NREP: variants seen among roughly 807,000 people sequenced by gnomAD.
NREP encodes the protein neuronal regeneration-related protein.
In NREP, 5 loss-of-function variants were observed where a neutral mutation model predicts 8.6. The observed-to-expected ratio is 0.58, with a 90% CI of 0.30 to 1.22. The LOEUF is 1.22. Ranked by LOEUF, NREP falls within the 50% of genes most tolerant of loss-of-function variation. NREP has a pLI of 0.07. For missense variants in NREP, 86 were observed against 82.5 expected (o/e 1.04, Z -0.17); for synonymous variants, 27 against 28.0 (o/e 0.96, Z 0.11).
intron 2 of NREP, among the ~76,000 whole-genome samples, chr5:111,933,568 A>T (rs892537560): frequency 2.6e-5 from 4 of 152,098 alleles, no homozygotes; most frequent in African/African-American, 9.7e-5. Flanking sequence ...TTGCCATCCA[A>T]GCCAAGGACA....
chr5:111,733,610 T>C (rs1748818917), intron 3 of NREP: 1 of 152,266 alleles, frequency 6.6e-6, no homozygotes, highest in East Asian at 1.9e-4. Flanking sequence ...AGAAGTCTTC[T>C]TTCTCCAGAT....
chr5:111,807,346 C>T (rs891960180), intron 2 of NREP, among the ~76,000 whole-genome samples: 3 of 152,114 alleles, frequency 2.0e-5, no homozygotes, highest in African/African-American at 4.8e-5. Context: ...ACAATCCTAA[C>T]CTTTCTTTCA....
At chr5:111,871,050 T>G (rs1241535004) in intron 2 of NREP, among the ~76,000 whole-genome samples, 1 of 64,942 alleles carries the variant, frequency 1.5e-5, no homozygotes, top group Admixed American at 1.9e-4. Context: ...ACAGAACCAA[T>G]GGCGTGTGTG....
chr5:111,890,460 G>A (rs1754366974), intron 2 of NREP, among the ~76,000 whole-genome samples: 1 of 152,184 alleles, frequency 6.6e-6, no homozygotes, highest in African/African-American at 2.4e-5. Context: ...GCTCCACTAG[G>A]CAGTGCTCTG....
intron 2 of NREP, among the ~76,000 whole-genome samples, chr5:111,788,585 G>A (rs559764544): frequency 6.6e-6 from 1 of 152,274 alleles, no homozygotes; most frequent in African/African-American, 2.4e-5. Context: ...GAAAAGCCAG[G>A]GAGACAGCCA....
At chr5:111,778,444 G>A (rs1165439075) in intron 2 of NREP, among the ~76,000 whole-genome samples, 1 of 152,072 alleles carries the variant, frequency 6.6e-6, no homozygotes, top group Admixed American at 6.5e-5. Flanking sequence ...AGTGAGTGTG[G>A]GGCCTACTTC....
At chr5:111,758,134 A>G (rs1750855236), upstream of NREP, 1 of 985,294 alleles carries the variant, frequency 1.0e-6, no homozygotes. Context: ...TCAGCTGGGT[A>G]CGCGCGCCCC....
chr5:111,863,404 T>C (rs1180026498), intron 2 of NREP, among the ~76,000 whole-genome samples: 3 of 152,124 alleles, frequency 2.0e-5, no homozygotes, highest in Non-Finnish European at 2.9e-5. Flanking sequence ...GGTGAGTAGT[T>C]GGATACACAG....
intron 2 of NREP, among the ~76,000 whole-genome samples, chr5:111,946,129 T>C (rs563479681): frequency 6.6e-6 from 1 of 151,154 alleles, no homozygotes; most frequent in South Asian, 2.1e-4. Flanking sequence ...AACGAGCTAG[T>C]GAGCAGGATA....
At chr5:111,744,046 G>A (rs1297789242) in intron 2 of NREP, among the ~76,000 whole-genome samples, 2 of 152,132 alleles carry the variant, frequency 1.3e-5, no homozygotes, top group Non-Finnish European at 2.9e-5. Context: ...CTGGGTGGAT[G>A]AGATAGTTAG....
chr5:111,916,538 C>G (rs1349114195), intron 2 of NREP, among the ~76,000 whole-genome samples: 1 of 152,148 alleles, frequency 6.6e-6, no homozygotes, highest in African/African-American at 2.4e-5. Context: ...GTGATTGTAT[C>G]CGACTGTTTA....
At position 111,883,564 on chromosome 5, in the gene NREP, T is replaced by C. The variant is rs570855890; in HGVS notation, c.135+91710A>G. ...CACACCTATTCCAAAATTGACCACA[T>C]ACTTGGAAGTAAAGCCCTCCTCAGC... On this transcript the variant is annotated intron_variant, in intron 2 of 3. Transcript: ENST00000395634. Among the ~76,000 whole-genome samples the C allele has an allele frequency of 2.6e-3, 389 of 152,288 alleles. 3 individuals carry two copies. Among genetic ancestry groups the C allele is most frequent in the African/African-American group, 9.0e-3 (375 of 41,558 alleles).
At chr5:111,788,369 C>T (rs12655849) in intron 2 of NREP, among the ~76,000 whole-genome samples, 26,150 of 152,046 alleles carry the variant, frequency 0.17, 2,331 homozygotes, top group Admixed American at 0.24. Context: ...GAAGTGTTGG[C>T]GTGTGTGTGT....
intron 2 of NREP, among the ~76,000 whole-genome samples, chr5:111,969,820 A>C (rs374572769): frequency 6.6e-5 from 10 of 152,174 alleles, no homozygotes; most frequent in African/African-American, 2.4e-4. Context: ...CTACAGCTTG[A>C]GTATCCCAGA....
intron 2 of NREP, among the ~76,000 whole-genome samples, chr5:111,857,406 T>A (rs1470500771): frequency 6.6e-6 from 1 of 152,218 alleles, no homozygotes; most frequent in Non-Finnish European, 1.5e-5. Flanking sequence ...TTGTCCTACC[T>A]CTGAACTACT....
At chr5:111,745,829 G>A (rs1749967203) in intron 2 of NREP, among the ~76,000 whole-genome samples, 1 of 151,978 alleles carries the variant, frequency 6.6e-6, no homozygotes, top group Non-Finnish European at 1.5e-5. Flanking sequence ...GATAAATTCA[G>A]GAAGAAAAAT....
intron 2 of NREP, among the ~76,000 whole-genome samples, chr5:111,932,353 A>T (rs1489467008): frequency 6.6e-6 from 1 of 152,074 alleles, no homozygotes; most frequent in African/African-American, 2.4e-5. Context: ...AACATGAATG[A>T]TCAAAATAAT....
intron 2 of NREP, among the ~76,000 whole-genome samples, chr5:111,966,178 G>A (rs1240852496): frequency 2.6e-5 from 4 of 152,214 alleles, no homozygotes; most frequent in South Asian, 4.1e-4. Flanking sequence ...ACTGAGTAGG[G>A]AAGAACATGG....
chr5:111,948,529 A>T (rs1199948340), intron 2 of NREP, among the ~76,000 whole-genome samples: 2 of 152,106 alleles, frequency 1.3e-5, no homozygotes, highest in Admixed American at 1.3e-4. Flanking sequence ...TGAGTTCAAA[A>T]ATCATGTGTC....
Sources: allele counts gnomAD v4.1 joint callset (sites outside exome capture counted in the v4.1 genomes callset), GRCh38; gene constraint gnomAD v4.1.1; transcripts MANE v1.5; gene names NCBI Gene and HGNC (gene_info 2026-07-23, HGNC 2026-07-21).